Variants in QTMAN observed in about 807,000 individuals in gnomAD.
QTMAN encodes tRNA-queuosine alpha-mannosyltransferase.
At chr2:144,285,008 G>A in the QTMAN span, among the ~76,000 whole-genome samples, 1 of 150,348 alleles carries the variant, frequency 6.7e-6, no homozygotes, top group African/African-American at 2.5e-5. Context: ...CAGGAGCTGA[G>A]GTGGTAGGAT....
At chr2:144,246,141 T>C in the QTMAN span, among the ~76,000 whole-genome samples, 172 of 152,214 alleles carry the variant, frequency 1.1e-3, 1 homozygote, top group African/African-American at 3.9e-3. Context: ...TGTGTACATA[T>C]ATGAGTACAT....
At chr2:144,238,899 C>T in the QTMAN span, among the ~76,000 whole-genome samples, 1 of 152,000 alleles carries the variant, frequency 6.6e-6, no homozygotes, top group Non-Finnish European at 1.5e-5. Context: ...CTCTACTAGA[C>T]TGTGGCATTG....
chr2:144,016,086 ACT>A, the QTMAN span, among the ~76,000 whole-genome samples: 1 of 152,166 alleles, frequency 6.6e-6, no homozygotes, highest in East Asian at 1.9e-4. Flanking sequence ...TGAACGATTC[ACT>A]GTGTTGACTC....
At chr2:144,295,496 A>G in the QTMAN span, among the ~76,000 whole-genome samples, 1 of 152,196 alleles carries the variant, frequency 6.6e-6, no homozygotes, top group Non-Finnish European at 1.5e-5. Context: ...TAAACTGAAC[A>G]TGTCAACTTG....
chr2:144,043,584 G>T, the QTMAN span, among the ~76,000 whole-genome samples: 2 of 150,894 alleles, frequency 1.3e-5, no homozygotes, highest in African/African-American at 4.9e-5. Context: ...AGTGAGCTGA[G>T]ATCACGCCAC....
At chr2:144,306,643 G>C in the QTMAN span, among the ~76,000 whole-genome samples, 5 of 152,016 alleles carry the variant, frequency 3.3e-5, no homozygotes, top group South Asian at 1.0e-3. Flanking sequence ...AACACACACA[G>C]TCCATAAGAG....
chr2:144,003,385 T>C, the QTMAN span, among the ~76,000 whole-genome samples: 1 of 151,518 alleles, frequency 6.6e-6, no homozygotes, highest in Non-Finnish European at 1.5e-5. Flanking sequence ...GGATTAATAT[T>C]ACAACATTTG....
chr2:144,178,614 C>CT, the QTMAN span: 1 of 153,618 alleles, frequency 6.5e-6, no homozygotes, highest in African/African-American at 2.4e-5. Flanking sequence ...CAAAGGGAGG[C>CT]TTTCCCTAGG....
At chr2:144,060,555 C>T in the QTMAN span, among the ~76,000 whole-genome samples, 1 of 152,174 alleles carries the variant, frequency 6.6e-6, no homozygotes, top group Non-Finnish European at 1.5e-5. Flanking sequence ...GACATCGTGC[C>T]CAGCCCAAGC....
the QTMAN span, among the ~76,000 whole-genome samples, chr2:144,219,018 G>A: frequency 6.6e-6 from 1 of 151,552 alleles, no homozygotes; most frequent in African/African-American, 2.4e-5. Flanking sequence ...ATAAGAGACT[G>A]AAGAACTAGA....
At chr2:144,257,699 C>T in the QTMAN span, among the ~76,000 whole-genome samples, 1 of 152,168 alleles carries the variant, frequency 6.6e-6, no homozygotes, top group African/African-American at 2.4e-5. Context: ...ATACTCAATA[C>T]ATGCATCTAA....
At chr2:144,244,579 C>T in the QTMAN span, among the ~76,000 whole-genome samples, 4 of 152,112 alleles carry the variant, frequency 2.6e-5, no homozygotes, top group African/African-American at 9.7e-5. Context: ...ATCAGTCACA[C>T]ACATTAAACT....
chr2:144,058,040 A>G, the QTMAN span, among the ~76,000 whole-genome samples: 2 of 151,910 alleles, frequency 1.3e-5, no homozygotes, highest in Non-Finnish European at 2.9e-5. Context: ...AAGCAAGGTA[A>G]CAAAAGTCAT....
the QTMAN span, among the ~76,000 whole-genome samples, chr2:144,024,711 TTTG>T: frequency 1.1e-4 from 17 of 152,182 alleles, no homozygotes; most frequent in African/African-American, 3.9e-4. Context: ...ATATATTGAA[TTTG>T]TTGTCACTAA....
the QTMAN span, among the ~76,000 whole-genome samples, chr2:143,961,583 C>T: frequency 6.6e-6 from 1 of 152,216 alleles, no homozygotes; most frequent in Non-Finnish European, 1.5e-5. Context: ...AATGACAGAG[C>T]ATTTTCCCTC....
the QTMAN span, among the ~76,000 whole-genome samples, chr2:144,092,868 G>GGGGT: frequency 2.2e-5 from 2 of 89,444 alleles, no homozygotes; most frequent in Non-Finnish European, 4.2e-5. Flanking sequence ...ATAAACTTTT[G>GGGGT]GGGTGTGTGT....
chr2:144,191,429 TAGAA>T, the QTMAN span, among the ~76,000 whole-genome samples: 1 of 152,102 alleles, frequency 6.6e-6, no homozygotes, highest in African/African-American at 2.4e-5. Flanking sequence ...AAAAGGAAAA[TAGAA>T]AGTAGAATCT....
the QTMAN span, among the ~76,000 whole-genome samples, chr2:144,303,300 G>C: frequency 3.9e-5 from 6 of 152,174 alleles, no homozygotes; most frequent in African/African-American, 7.2e-5. Flanking sequence ...AGAATATGCA[G>C]ACAGGAGACT....
the QTMAN span, among the ~76,000 whole-genome samples, chr2:144,237,809 G>T: frequency 1.3e-5 from 2 of 152,152 alleles, no homozygotes; most frequent in Non-Finnish European, 2.9e-5. Context: ...GACAGTGTCT[G>T]TCCTAAAAGA....
Sources: gnomAD v4.1 joint callset for allele counts (sites outside exome capture counted in the v4.1 genomes callset) on GRCh38, gnomAD v4.1.1 for gene constraint, MANE v1.5 for transcripts, NCBI Gene and HGNC (gene_info 2026-07-23, HGNC 2026-07-21) for gene names.